The following MOB3B variants were observed in gnomAD, a reference collection of about 807,000 sequenced individuals.
The protein encoded by MOB3B is MOB kinase activator 3B.
Under a neutral mutation model 18.7 loss-of-function variants are expected in MOB3B, and 7 were observed. The ratio of observed to expected loss-of-function variants is 0.37; its 90% CI spans 0.21 to 0.70. The LOEUF is 0.70. Among genes scored for constraint, MOB3B ranks in the 30% least tolerant of loss-of-function variants. MOB3B has a pLI of 0.52. For synonymous variants in MOB3B, 111 were observed against 99.9 expected (o/e 1.11, Z -0.66); for missense variants, 253 against 281.3 (o/e 0.90, Z 0.72).
In MOB3B at chr9:27,455,707, T is replaced by C; in HGVS notation, c.-157A>G. On this transcript the variant is annotated 5_prime_UTR_variant, in exon 2 of 4. The change abolishes an upstream ATG in the 5' untranslated region. Transcript: ENST00000262244. ...AAGCTCTTCTAAACAGCCCCTTCCATCTTCCTCTTGAATGATTTCCAAGGG... is the reference window on the plus strand; with the variant it reads ...AAGCTCTTCTAAACAGCCCCTTCCACCTTCCTCTTGAATGATTTCCAAGGG... The C allele has an allele frequency of 6.8e-7, 1 of 1,474,414 alleles. No homozygotes were observed. The highest frequency in any genetic ancestry group is 2.3e-5 in the East Asian group (1 of 42,642). The allele number at this position is 1,474,414 out of a possible 1,614,324, so 91.3% of individuals were successfully genotyped here. A position where few individuals can be genotyped will look rare whatever the true frequency, so the allele number is the denominator to read the frequency against.
At chr9:27,500,299 C>G (rs1390824273) in intron 1 of MOB3B, among the ~76,000 whole-genome samples, 1 of 152,060 alleles carries the variant, frequency 6.6e-6, no homozygotes, top group African/African-American at 2.4e-5. Context: ...GTAAAACTAC[C>G]TTATCATGCT....
chr9:27,478,226 C>T (rs1819585099), intron 1 of MOB3B, among the ~76,000 whole-genome samples: 1 of 152,124 alleles, frequency 6.6e-6, no homozygotes, highest in Non-Finnish European at 1.5e-5. Context: ...TTTCATAACT[C>T]AGGACCTACA....
At chr9:27,424,312 A>C (rs1352665664) in intron 2 of MOB3B, among the ~76,000 whole-genome samples, 2 of 152,226 alleles carry the variant, frequency 1.3e-5, no homozygotes, top group Admixed American at 6.5e-5. Context: ...CAAACATCCC[A>C]ATAACCATGA....
At chr9:27,378,080 T>C (rs1271727674) in intron 2 of MOB3B, among the ~76,000 whole-genome samples, 6 of 152,250 alleles carry the variant, frequency 3.9e-5, no homozygotes, top group Non-Finnish European at 7.3e-5. Flanking sequence ...AGGTATGGGC[T>C]ACTTATGTCT....
chr9:27,393,722 T>C (rs1262916551), intron 2 of MOB3B, among the ~76,000 whole-genome samples: 1 of 152,120 alleles, frequency 6.6e-6, no homozygotes, highest in African/African-American at 2.4e-5. Flanking sequence ...ACAACAAACC[T>C]TCGATTATTA....
At chr9:27,433,834 G>T (rs1822452667) in intron 2 of MOB3B, among the ~76,000 whole-genome samples, 1 of 152,144 alleles carries the variant, frequency 6.6e-6, no homozygotes, top group African/African-American at 2.4e-5. Context: ...CCTTTACAGA[G>T]CCTGCAGAGG....
intron 3 of MOB3B, among the ~76,000 whole-genome samples, chr9:27,354,558 A>C (rs7044577): frequency 0.43 from 65,041 of 152,040 alleles, 14,137 homozygotes; most frequent in Middle Eastern, 0.53. Flanking sequence ...CAACATGGAA[A>C]TGGGTAAGTG....
chr9:27,496,322 G>A (rs1378312475), intron 1 of MOB3B, among the ~76,000 whole-genome samples: 1 of 152,196 alleles, frequency 6.6e-6, no homozygotes, highest in Non-Finnish European at 1.5e-5. Flanking sequence ...CACTGAAAGT[G>A]TTAAGTTTCA....
At chr9:27,406,274 C>A (rs984517968) in intron 2 of MOB3B, among the ~76,000 whole-genome samples, 14 of 152,130 alleles carry the variant, frequency 9.2e-5, no homozygotes, top group Non-Finnish European at 1.8e-4. Context: ...TTTTTGTATG[C>A]CAACAGTGAA....
chr9:27,503,006 G>C (rs1038698054), intron 1 of MOB3B, among the ~76,000 whole-genome samples: 2 of 152,184 alleles, frequency 1.3e-5, no homozygotes, highest in African/African-American at 4.8e-5. Context: ...TTGGGGGAAA[G>C]AGGTAGTTTC....
intron 1 of MOB3B, among the ~76,000 whole-genome samples, chr9:27,487,298 T>G (rs1190433537): frequency 6.6e-6 from 1 of 152,056 alleles, no homozygotes; most frequent in East Asian, 1.9e-4. Flanking sequence ...AGAAGGCACA[T>G]GTGTTTCCTG....
intron 1 of MOB3B, among the ~76,000 whole-genome samples, chr9:27,512,112 C>T (rs1312656641): frequency 6.6e-6 from 1 of 152,132 alleles, no homozygotes; most frequent in Non-Finnish European, 1.5e-5. Context: ...ATAAAGGAAA[C>T]CACATGGAAG....
At chr9:27,433,519 C>T (rs1822447999) in intron 2 of MOB3B, among the ~76,000 whole-genome samples, 11 of 152,132 alleles carry the variant, frequency 7.2e-5, no homozygotes, top group Admixed American at 6.6e-4. Flanking sequence ...GATAAACCAA[C>T]CTCATGCCTT....
intron 2 of MOB3B, among the ~76,000 whole-genome samples, chr9:27,395,096 G>C (rs933381428): frequency 5.1e-4 from 78 of 152,198 alleles, no homozygotes; most frequent in African/African-American, 1.8e-3. Flanking sequence ...TTGGGGGGTG[G>C]AGAAAAGGTC....
intron 1 of MOB3B, among the ~76,000 whole-genome samples, chr9:27,511,296 T>A (rs1266408903): frequency 6.6e-6 from 1 of 151,848 alleles, no homozygotes; most frequent in Non-Finnish European, 1.5e-5. Flanking sequence ...TAATAGAAAA[T>A]CAGGCAGCCT....
chr9:27,485,770 T>G (rs961351313), intron 1 of MOB3B, among the ~76,000 whole-genome samples: 1 of 152,212 alleles, frequency 6.6e-6, no homozygotes, highest in African/African-American at 2.4e-5. Context: ...TTAAAGGCAT[T>G]GAGATTATAT....
At chr9:27,359,678 T>C (rs539013458) in intron 2 of MOB3B, among the ~76,000 whole-genome samples, 1 of 152,328 alleles carries the variant, frequency 6.6e-6, no homozygotes, top group East Asian at 1.9e-4. Flanking sequence ...GGTATACTGT[T>C]TCTGAGGTGG....
intron 1 of MOB3B, among the ~76,000 whole-genome samples, chr9:27,503,011 A>G (rs1347218831): frequency 1.3e-5 from 2 of 152,156 alleles, no homozygotes; most frequent in Non-Finnish European, 2.9e-5. Context: ...GGAAAGAGGT[A>G]GTTTCCCAAA....
rs1191039490 is a variant in MOB3B, at chr9:27,350,570, T to C, written c.621+8464A>G. Among the ~76,000 whole-genome samples, 3 of 152,162 alleles carry C rather than the reference T, an allele frequency of 2.0e-5. 1 individual carries two copies. Among genetic ancestry groups the C allele is most frequent in the African/African-American group, 7.2e-5 (3 of 41,448 alleles). On this transcript the variant is annotated intron_variant, in intron 3 of 3. Transcript: ENST00000262244. Reference sequence around the variant, plus strand: ...AAGTTCTCTGGACATCAACAAGGGATGAATAAATAGGACTGGCAGAGACAT... The same window carrying C: ...AAGTTCTCTGGACATCAACAAGGGACGAATAAATAGGACTGGCAGAGACAT...
Sources: allele counts gnomAD v4.1 joint callset (sites outside exome capture counted in the v4.1 genomes callset), GRCh38; gene constraint gnomAD v4.1.1; transcripts MANE v1.5; gene names NCBI Gene and HGNC (gene_info 2026-07-23, HGNC 2026-07-21).